Variants in PRKCQ observed in about 807,000 individuals in gnomAD.
PRKCQ encodes protein kinase C theta.
Under a neutral mutation model 91.2 loss-of-function variants are expected in PRKCQ, and 41 were observed. That is an observed-to-expected ratio of 0.45 (90% CI 0.35 to 0.58). The LOEUF (loss-of-function observed/expected upper bound fraction) is 0.58, where lower values mean the gene tolerates loss of function less well. Among genes scored for constraint, PRKCQ ranks in the 20% least tolerant of loss-of-function variants. PRKCQ has a pLI of 0.00. For synonymous variants in PRKCQ, 307 were observed against 316.9 expected (o/e 0.97, Z 0.33); for missense variants, 673 against 896.5 (o/e 0.75, Z 3.18).
intron 1 of PRKCQ, among the ~76,000 whole-genome samples, chr10:6,548,534 C>T (rs2130929572): frequency 6.8e-6 from 1 of 147,380 alleles, no homozygotes; most frequent in East Asian, 2.0e-4. Flanking sequence ...ACATATACAC[C>T]ATGGAATACT....
At chr10:6,483,681 TCTA>T in intron 10 of PRKCQ, 81 bp from the exon 11 acceptor site, 4 of 1,503,164 alleles carry the variant, frequency 2.7e-6, no homozygotes, top group Non-Finnish European at 3.6e-6. Context: ...TGCTTTCTCT[TCTA>T]CTTCCCATGC....
intron 16 of PRKCQ, among the ~76,000 whole-genome samples, chr10:6,440,977 G>T (rs953221199): frequency 2.0e-5 from 3 of 152,146 alleles, no homozygotes; most frequent in African/African-American, 7.2e-5. Flanking sequence ...GAGGGAGTGA[G>T]ACTGTCTCAA....
At chr10:6,536,455 A>G (rs1839585020) in intron 1 of PRKCQ, among the ~76,000 whole-genome samples, 1 of 152,254 alleles carries the variant, frequency 6.6e-6, no homozygotes. Flanking sequence ...GCAGACTTGT[A>G]GACTAATGAA....
chr10:6,448,364 G>A (rs1834441313), intron 15 of PRKCQ, among the ~76,000 whole-genome samples: 1 of 152,072 alleles, frequency 6.6e-6, no homozygotes, highest in East Asian at 1.9e-4. Context: ...GACCAAGGAT[G>A]TGCAATGGCA....
intron 1 of PRKCQ, among the ~76,000 whole-genome samples, chr10:6,559,530 T>C (rs1840543722): frequency 1.3e-5 from 2 of 152,130 alleles, no homozygotes. Context: ...AGCTAATTTT[T>C]ATATTTTTAG....
intron 1 of PRKCQ, among the ~76,000 whole-genome samples, chr10:6,535,416 A>AT (rs1456091860): frequency 2.0e-5 from 3 of 152,108 alleles, no homozygotes; most frequent in African/African-American, 4.8e-5. Flanking sequence ...GGGAATATAC[A>AT]TTTTTTCCAT....
chr10:6,431,441 T>C (rs1833422305), intron 16 of PRKCQ, among the ~76,000 whole-genome samples: 2 of 152,054 alleles, frequency 1.3e-5, no homozygotes, highest in Non-Finnish European at 2.9e-5. Flanking sequence ...CATGAACACA[T>C]GCATACACAT....
At chr10:6,435,774 C>T (rs1480077589) in intron 16 of PRKCQ, among the ~76,000 whole-genome samples, 1 of 152,182 alleles carries the variant, frequency 6.6e-6, no homozygotes, top group African/African-American at 2.4e-5. Flanking sequence ...GCATTCAAAG[C>T]CATCCTGGGC....
At chr10:6,553,528 A>AAC (rs1251900784) in intron 1 of PRKCQ, among the ~76,000 whole-genome samples, 2 of 150,270 alleles carry the variant, frequency 1.3e-5, no homozygotes, top group Admixed American at 6.6e-5. Context: ...CAAACAAACA[A>AAC]AAGAAGAAGA....
At chr10:6,437,738 G>T (rs143306899) in intron 16 of PRKCQ, among the ~76,000 whole-genome samples, 1 of 150,024 alleles carries the variant, frequency 6.7e-6, no homozygotes, top group Non-Finnish European at 1.5e-5. Flanking sequence ...TACAAGCTCC[G>T]CCTCCCGGGT....
intron 1 of PRKCQ, among the ~76,000 whole-genome samples, chr10:6,572,103 G>C (rs1376766257): frequency 2.0e-5 from 3 of 152,158 alleles, no homozygotes; most frequent in African/African-American, 7.2e-5. Flanking sequence ...TCCAGGCCCA[G>C]GGCATGACCA....
chr10:6,579,836 CAT>C (rs1491217144), intron 1 of PRKCQ, among the ~76,000 whole-genome samples: 2 of 39,790 alleles, frequency 5.0e-5, no homozygotes, highest in East Asian at 2.4e-3. Flanking sequence ...TTTCCTCACG[CAT>C]TTTTTTTTTT....
At chr10:6,489,369 G>A (rs371140215) in intron 8 of PRKCQ, 12 of 514,904 alleles carry the variant, frequency 2.3e-5, no homozygotes, top group Admixed American at 6.2e-5. Context: ...CCATCTCCAC[G>A]AGAAGGTCCT....
chr10:6,458,992 C>T (rs909727987), intron 14 of PRKCQ, among the ~76,000 whole-genome samples: 8 of 152,262 alleles, frequency 5.3e-5, no homozygotes, highest in South Asian at 2.1e-4. Flanking sequence ...TGGTGAGTGA[C>T]GCCACCACAC....
At position 6,515,082 on chromosome 10, in the gene PRKCQ, C is replaced by T. The variant is rs760747604; in HGVS notation, c.54G>A (p.Gln18=). 20 of 1,613,788 alleles carry T rather than the reference C, an allele frequency of 1.2e-5. No homozygotes were observed. In the Middle Eastern group the frequency reaches 6.6e-4, roughly 53 times the overall value. ...GGTTAACAGCCTCGCCCTGACAAGA[C>T]TGGCAGGACCCGCAGTCAAAGTTGG... ...GLSNFDCGSC[Q]SCQGEAVNPY... The change falls in exon 2 of 18, where the codon CAG becomes CAA. Residue 18 remains glutamine, a synonymous_variant. Transcript: ENST00000263125.
At chr10:6,437,020 C>T (rs1035422732) in intron 16 of PRKCQ, among the ~76,000 whole-genome samples, 8 of 152,198 alleles carry the variant, frequency 5.3e-5, no homozygotes, top group Admixed American at 1.3e-4. Context: ...ACTCTCCCTC[C>T]AGAGCCTCCA....
intron 1 of PRKCQ, among the ~76,000 whole-genome samples, chr10:6,565,157 C>G (rs549232804): frequency 6.6e-6 from 1 of 152,168 alleles, no homozygotes; most frequent in Admixed American, 6.5e-5. Flanking sequence ...CTTTATAATG[C>G]GCCTTCTTAG....
At chr10:6,544,491 G>A (rs1564384360) in intron 1 of PRKCQ, among the ~76,000 whole-genome samples, 1 of 152,190 alleles carries the variant, frequency 6.6e-6, no homozygotes, top group Non-Finnish European at 1.5e-5. Flanking sequence ...CAAGGACATT[G>A]ATAAATGGAG....
chr10:6,530,076 A>C (rs1839337142), intron 1 of PRKCQ, among the ~76,000 whole-genome samples: 1 of 152,164 alleles, frequency 6.6e-6, no homozygotes, highest in Admixed American at 6.5e-5. Flanking sequence ...TGCCTACTAT[A>C]TTGCAAAGCA....
Sources: gnomAD v4.1 joint callset for allele counts (sites outside exome capture counted in the v4.1 genomes callset) on GRCh38, gnomAD v4.1.1 for gene constraint, MANE v1.5 for transcripts, NCBI Gene and HGNC (gene_info 2026-07-23, HGNC 2026-07-21) for gene names.